SHOC1: variants seen among roughly 807,000 people sequenced by gnomAD.
SHOC1 encodes shortage in chiasmata 1.
SHOC1 carries 136 observed loss-of-function variants against 179.2 expected under a neutral mutation model. That is an observed-to-expected ratio of 0.76 (90% confidence interval 0.66 to 0.87). The LOEUF is 0.87. Among genes scored for constraint, SHOC1 ranks in the 40% least tolerant of loss-of-function variants. The probability of loss-of-function intolerance (pLI) is 0.00; values close to 1 mark genes in which losing one functional copy is unlikely to be tolerated. For missense variants in SHOC1, 1,538 were observed against 1,700.8 expected (o/e 0.90, Z 1.68); for synonymous variants, 489 against 586.6 (o/e 0.83, Z 2.41).
intron 1 of SHOC1, among the ~76,000 whole-genome samples, chr9:111,794,429 TA>T (rs1405572311): frequency 6.6e-6 from 1 of 151,602 alleles, no homozygotes; most frequent in Non-Finnish European, 1.5e-5. Flanking sequence ...ATTAAAAATA[TA>T]AAAATTAGCC....
rs188241592 is a variant in SHOC1 at position 111,712,597 on chromosome 9, G to T, written c.2488+503C>A. 1.1e-3 allele frequency among the ~76,000 whole-genome samples: 175 copies of T among 152,292 alleles called. 1 individual carries two copies. Among genetic ancestry groups the T allele is most frequent in the African/African-American group, 3.9e-3 (163 of 41,572 alleles). The stretch of plus-strand genomic sequence containing the variant: ...GATTCTACAGCACCAAGTGGAAAGG[G>T]TTGACAGAAGGGGCAGTAGTGGGTA... On this transcript the variant is annotated intron_variant, in intron 18 of 27. Coordinates refer to ENST00000682961, the MANE Select transcript of SHOC1 (RefSeq NM_001378211.1).
intron 25 of SHOC1, 91 bp downstream of exon 25, chr9:111,694,140 T>G (rs1831581661): frequency 7.5e-7 from 1 of 1,329,438 alleles, no homozygotes; most frequent in South Asian, 1.4e-5. Context: ...TTTGAGACAT[T>G]TGGGGGAAAA....
intron 12 of SHOC1, chr9:111,738,003 C>A: frequency 2.4e-6 from 1 of 409,500 alleles, no homozygotes; most frequent in Non-Finnish European, 4.3e-6. Context: ...TAAAAGGAAA[C>A]AAAGTCACTT....
chr9:111,699,870 C>CT, intron 24 of SHOC1, 84 bp downstream of exon 24: 2 of 757,232 alleles, frequency 2.6e-6, no homozygotes, highest in South Asian at 1.9e-5. Flanking sequence ...TTGCTTAACA[C>CT]TTTTTTCTCA....
intron 1 of SHOC1, among the ~76,000 whole-genome samples, chr9:111,794,040 C>T (rs1004442037): frequency 1.3e-5 from 2 of 151,332 alleles, no homozygotes; most frequent in Admixed American, 6.6e-5. Context: ...TTAATAGAGA[C>T]GGGGTTTCGC....
Position 111,775,868 on chromosome 9 carries a change from G to T in SHOC1, c.365C>A (p.Thr122Asn). Residue 122 changes from threonine (T) to asparagine (N), a missense_variant, in exon 5 of 28, where the codon ACC (threonine) becomes AAC (asparagine). By Grantham distance (65) the Thr-to-Asn change is moderately conservative. Transcript: ENST00000682961. ...AAAGACTTCATTGTAGTCCATGTGG[G>T]TGTATAAACTGACCTCCTCTACTTC... ...QIEVEEVSLY[T>N]HMDYNEVFTP... The T allele has an allele frequency of 6.2e-7, 1 of 1,613,722 alleles. No homozygotes were observed.
chr9:111,754,438 C>T (rs1017570568), intron 8 of SHOC1, among the ~76,000 whole-genome samples: 1 of 151,926 alleles, frequency 6.6e-6, no homozygotes, highest in Non-Finnish European at 1.5e-5. Context: ...AGTAGGATGG[C>T]GATAAAAAAG....
intron 24 of SHOC1, among the ~76,000 whole-genome samples, chr9:111,697,435 T>C (rs141127376): frequency 0.022 from 3,411 of 152,212 alleles, 136 homozygotes; most frequent in African/African-American, 0.077. Flanking sequence ...AGTGAGAACA[T>C]GCAGTGTTTG....
intron 9 of SHOC1, among the ~76,000 whole-genome samples, chr9:111,747,272 G>A (rs1589436534): frequency 6.6e-6 from 1 of 152,014 alleles, no homozygotes; most frequent in East Asian, 1.9e-4. Flanking sequence ...TAAGTATCAG[G>A]GCTATCAATA....
intron 8 of SHOC1, among the ~76,000 whole-genome samples, chr9:111,752,170 A>G (rs1372601455): frequency 6.6e-6 from 1 of 152,254 alleles, no homozygotes; most frequent in African/African-American, 2.4e-5. Flanking sequence ...ATTATCTTGA[A>G]GAATGAGAGG....
intron 10 of SHOC1, among the ~76,000 whole-genome samples, chr9:111,743,827 C>T (rs376547828): frequency 6.6e-6 from 1 of 152,170 alleles, no homozygotes; most frequent in East Asian, 1.9e-4. Context: ...AGGGGGACTA[C>T]TGTAAACTCA....
intron 5 of SHOC1, among the ~76,000 whole-genome samples, chr9:111,774,375 T>C (rs145036028): frequency 2.6e-3 from 394 of 152,320 alleles, no homozygotes; most frequent in Admixed American, 4.8e-3. Flanking sequence ...CATGGCTTAC[T>C]ACAGCCTTGA....
At chr9:111,739,024 A>G (rs1403020379) in intron 11 of SHOC1, among the ~76,000 whole-genome samples, 1 of 152,148 alleles carries the variant, frequency 6.6e-6, no homozygotes, top group Non-Finnish European at 1.5e-5. Context: ...ATATGGAGGA[A>G]CTGAAGTAGC....
intron 16 of SHOC1, among the ~76,000 whole-genome samples, chr9:111,717,664 CATTTT>C (rs910956420): frequency 3.3e-5 from 5 of 149,978 alleles, no homozygotes; most frequent in African/African-American, 9.8e-5. Context: ...GTAAGACAGA[CATTTT>C]AATTTGATAG....
At chr9:111,790,690 C>T (rs980013967) in intron 2 of SHOC1, among the ~76,000 whole-genome samples, 11 of 152,094 alleles carry the variant, frequency 7.2e-5, no homozygotes, top group East Asian at 1.9e-4. Flanking sequence ...GGATTACAGG[C>T]GCCCACCACC....
Position 111,727,649 on chromosome 9 carries a change from G to C in SHOC1, c.1818C>G (p.Asn606Lys). 6.3e-7 allele frequency: 1 copy of C among 1,583,172 alleles called. No homozygotes were observed. The highest frequency in any genetic ancestry group is 8.6e-7 in the Non-Finnish European group (1 of 1,168,228). ...ATTACTTACCATGTTTTTCATCACT[G>C]TTTGTGACTTCAGTCTTTGAGGTGC... Reference protein sequence around the residue: ...KTCTSKTEVTNSDEKHDKEAC... With the variant: ...KTCTSKTEVTKSDEKHDKEAC... The change falls in exon 13 of 28, where the codon AAC (asparagine) becomes AAG (lysine). Residue 606 changes from asparagine (N) to lysine (K), a missense_variant. By Grantham distance (94) the Asn-to-Lys change is moderately conservative. Coordinates refer to ENST00000682961, the MANE Select transcript of SHOC1 (RefSeq NM_001378211.1).
Position 111,691,327 on chromosome 9 carries a change from ACTT to A in SHOC1, c.4426+221_4426+223del, listed in dbSNP as rs1319909103. Among the ~76,000 whole-genome samples, 3 of 152,122 alleles carry A rather than the reference ACTT, an allele frequency of 2.0e-5. No homozygotes were observed. In the East Asian group the frequency reaches 5.8e-4, roughly 29 times the overall value. On this transcript the variant is annotated intron_variant, in intron 27 of 27. Transcript: ENST00000682961. ...TAGAGTTGCACTGCTTTTATTTTTA[ACTT>A]CTTAAGTTGAATGCTTAGTCCACTT...
At chr9:111,794,836 C>T (rs35999023) in intron 1 of SHOC1, 64 bp downstream of exon 1, 8,640 of 152,558 alleles carry the variant, frequency 0.057, 616 homozygotes, top group African/African-American at 0.17. Context: ...CCCATACGAC[C>T]TTTTCCTCCC....
chr9:111,705,162 A>AATATATAT (rs72047905), intron 21 of SHOC1, 85 bp downstream of exon 21: 12,489 of 276,878 alleles, frequency 0.045, 621 homozygotes, highest in African/African-American at 0.21. Flanking sequence ...AGCCTATCAG[A>AATATATAT]ATATATATAC....
Sources: allele counts gnomAD v4.1 joint callset (sites outside exome capture counted in the v4.1 genomes callset), GRCh38; gene constraint gnomAD v4.1.1; transcripts MANE v1.5; gene names NCBI Gene and HGNC (gene_info 2026-07-23, HGNC 2026-07-21).